EP300: variants seen among roughly 807,000 people sequenced by gnomAD.
EP300 encodes EP300 lysine acetyltransferase.
EP300 carries 31 observed loss-of-function variants against 264.0 expected under a neutral mutation model. The ratio of observed to expected loss-of-function variants is 0.12; its 90% CI spans 0.09 to 0.16. EP300 has a LOEUF of 0.16. Ranked by LOEUF, EP300 falls within the 10% of genes least tolerant of loss-of-function variation. The probability of loss-of-function intolerance (pLI) is 1.00; values close to 1 mark genes in which losing one functional copy is unlikely to be tolerated. For missense variants in EP300, 2,766 were observed against 3,052.9 expected (o/e 0.91, Z 2.21); for synonymous variants, 1,340 against 1,045.4 (o/e 1.28, Z -5.44).
chr22:41,144,439 T>C (rs1428758254), intron 10 of EP300, among the ~76,000 whole-genome samples: 1 of 151,634 alleles, frequency 6.6e-6, no homozygotes, highest in Non-Finnish European at 1.5e-5. Context: ...GCATCCTCCA[T>C]GCCTCCCAAG....
rs756278305 is a variant in EP300 at position 41,173,672 on chromosome 22, C to T, written c.4667C>T (p.Thr1556Ile). 2 of 1,614,086 alleles carry T rather than the reference C, an allele frequency of 1.2e-6. No individual in the cohort carries two copies. Among genetic ancestry groups the T allele is most frequent in the South Asian group, 1.1e-5 (1 of 91,070 alleles). The change falls in exon 29 of 31, where the codon ACC (threonine) becomes ATC (isoleucine). Residue 1556 changes from threonine to isoleucine, a missense_variant. Coordinates refer to ENST00000263253, the MANE Select transcript of EP300 (RefSeq NM_001429.4). ...KNAKKKNNKKTSKNKSSLSRG... is the reference protein window; with the variant it reads ...KNAKKKNNKKISKNKSSLSRG... Reference sequence around the variant, plus strand: ...GCTAAAAAGAAGAATAATAAGAAAACCAGCAAAAATAAGAGCAGCCTGAGT... The same window carrying T: ...GCTAAAAAGAAGAATAATAAGAAAATCAGCAAAAATAAGAGCAGCCTGAGT...
At chr22:41,139,963 G>C (rs1163727974) in intron 8 of EP300, among the ~76,000 whole-genome samples, 177 bp from the exon 9 acceptor site, 3 of 152,100 alleles carry the variant, frequency 2.0e-5, no homozygotes, top group Admixed American at 1.3e-4. Context: ...ATTGTGAACG[G>C]AAATATAGAC....
Position 41,149,790 on chromosome 22 carries a change from G to C in EP300, c.2409G>C (p.Val803=). 4 of 1,614,020 alleles carry C rather than the reference G, an allele frequency of 2.5e-6. No homozygotes were observed. Among genetic ancestry groups the C allele is most frequent in the Non-Finnish European group, 3.4e-6 (4 of 1,179,992 alleles). ...QAQMSSSSCP[V]NSPIMPPGSQ... ...AAATGTCTAGTTCTTCCTGCCCGGT[G>C]AACTCTCCTATAATGCCTCCAGGGT... Residue 803 remains valine (V), a synonymous_variant, in exon 14 of 31, where the codon GTG becomes GTC. Transcript: ENST00000263253.
rs1230800729 is a variant in EP300, at chr22:41,135,801, A to G, written c.1529-12A>G. On this transcript the variant is annotated splice_polypyrimidine_tract_variant and intron_variant, in intron 6 of 30. Transcript: ENST00000263253. ...ATTTATTTCTGTCTCCTGTTATTTC[A>G]TTTTGACTTAGGTGCTAGTCCTATG... 1 of 1,593,862 alleles carries G rather than the reference A, an allele frequency of 6.3e-7. No individual in the cohort carries two copies. The highest frequency in any genetic ancestry group is 2.2e-5 in the East Asian group (1 of 44,770).
intron 10 of EP300, among the ~76,000 whole-genome samples, chr22:41,144,898 T>TA (rs34481158): frequency 1.3e-4 from 20 of 149,194 alleles, no homozygotes; most frequent in South Asian, 6.4e-4. Context: ...CTGGCTGCTT[T>TA]AAAAAAAAAA....
chr22:41,178,291 C>G lies in EP300; in HGVS notation c.6580C>G (p.Gln2194Glu). Reference sequence around the variant, plus strand: ...ACAGCAAATGATGCAACAGCAGCAGCAACAGGGAGCAGGGCCAGGAATAGG... The same window carrying G: ...ACAGCAAATGATGCAACAGCAGCAGGAACAGGGAGCAGGGCCAGGAATAGG... ...RRQQMMQQQQ[Q>E]QGAGPGIGPG... Residue 2194 changes from glutamine (Q) to glutamate (E), a missense_variant, in exon 31 of 31, where the codon CAA (glutamine) becomes GAA (glutamate). Transcript: ENST00000263253. 4 of 1,614,118 alleles carry G rather than the reference C, an allele frequency of 2.5e-6. 1 individual carries two copies. Among genetic ancestry groups the G allele is most frequent in the Non-Finnish European group, 3.4e-6 (4 of 1,180,002 alleles).
chr22:41,162,898 A>T, intron 21 of EP300, 119 bp downstream of exon 21: 1 of 809,740 alleles, frequency 1.2e-6, no homozygotes, highest in Non-Finnish European at 2.2e-6. Flanking sequence ...TCTACATAAC[A>T]TACATCTAAT....
At chr22:41,137,464 C>T (rs1425874868) in intron 7 of EP300, among the ~76,000 whole-genome samples, 189 bp from the exon 8 acceptor site, 1 of 152,052 alleles carries the variant, frequency 6.6e-6, no homozygotes, top group Non-Finnish European at 1.5e-5. Context: ...ACAACTTACC[C>T]TCACACAGGT....
At position 41,178,574 on chromosome 22, in the gene EP300, A is replaced by C. The variant is rs943142293; in HGVS notation, c.6863A>C (p.Gln2288Pro). The stretch of plus-strand genomic sequence containing the variant: ...CCCCAGCAGCATATGCTCCCAAATC[A>C]GGCCCAGTCCCCACACCTACAAGGC... ...MSPQQHMLPN[Q>P]AQSPHLQGQQ... The change falls in exon 31 of 31, where the codon CAG becomes CCG. Residue 2288 changes from glutamine to proline, a missense_variant. Coordinates refer to ENST00000263253, the MANE Select transcript of EP300 (RefSeq NM_001429.4). The C allele has an allele frequency of 6.2e-7, 1 of 1,614,044 alleles. No individual in the cohort carries two copies. Among genetic ancestry groups the C allele is most frequent in the Non-Finnish European group, 8.5e-7 (1 of 1,180,018 alleles).
At chr22:41,130,808 T>C (rs78198686) in intron 5 of EP300, among the ~76,000 whole-genome samples, 2 of 139,850 alleles carry the variant, frequency 1.4e-5, no homozygotes, top group Non-Finnish European at 1.6e-5. Context: ...ATAGAAGAGC[T>C]TTTTTTTTTT....
intron 1 of EP300, among the ~76,000 whole-genome samples, chr22:41,116,953 G>C (rs2058824910): frequency 6.6e-6 from 1 of 152,102 alleles, no homozygotes; most frequent in African/African-American, 2.4e-5. Context: ...ACAGCTACTT[G>C]GGAGGCTGAG....
chr22:41,092,608 G>T lies in EP300; in HGVS notation c.-397G>T. 2 of 625,532 alleles carry T rather than the reference G, an allele frequency of 3.2e-6. No individual in the cohort carries two copies. Among genetic ancestry groups the T allele is most frequent in the South Asian group, 4.3e-5 (2 of 46,640 alleles). The allele number at this position is 625,532 out of a possible 1,614,324, so 38.7% of individuals were successfully genotyped here. A position where few individuals can be genotyped will look rare whatever the true frequency, so the allele number is the denominator to read the frequency against. ...TGTGGCGATGAGAAGGAGGAGGACA[G>T]CGCCGAGGAGGAAGAGGTTGATGGC... On this transcript the variant is annotated 5_prime_UTR_variant, in exon 1 of 31. Transcript: ENST00000263253.
rs371263978 is a variant in EP300, at chr22:41,116,727, A to G, written c.95-460A>G. On this transcript the variant is annotated intron_variant, in intron 1 of 30. Coordinates refer to ENST00000263253, the MANE Select transcript of EP300 (RefSeq NM_001429.4). The stretch of plus-strand genomic sequence containing the variant: ...ATCCCCTCAATTTAAAAAATCTATA[A>G]AATGGTTTTAGTATGACCTAAAAAA... Among the ~76,000 whole-genome samples, 18 of 152,276 alleles carry G rather than the reference A, an allele frequency of 1.2e-4. No individual in the cohort carries two copies. In the South Asian group the frequency reaches 1.4e-3, roughly 12 times the overall value.
chr22:41,171,880 T>C (rs1037568754), intron 27 of EP300, among the ~76,000 whole-genome samples: 1 of 152,168 alleles, frequency 6.6e-6, no homozygotes, highest in Non-Finnish European at 1.5e-5. Flanking sequence ...CCCAAAGTGC[T>C]GGGATTACAG....
rs755193615 is a variant in EP300 at position 41,178,593 on chromosome 22, A to G, written c.6882A>G (p.Leu2294=). 8 of 1,613,876 alleles carry G rather than the reference A, an allele frequency of 5.0e-6. No homozygotes were observed. Among genetic ancestry groups the G allele is most frequent in the Admixed American group, 1.7e-5 (1 of 59,998 alleles). ...MLPNQAQSPH[L]QGQQIPNSLS... ...CAAATCAGGCCCAGTCCCCACACCT[A>G]CAAGGCCAGCAGATCCCTAATTCTC... is the stretch of plus-strand genomic sequence containing the variant. The change falls in exon 31 of 31, where the codon CTA becomes CTG. Residue 2294 remains leucine, a synonymous_variant. Coordinates refer to ENST00000263253, the MANE Select transcript of EP300 (RefSeq NM_001429.4).
intron 1 of EP300, among the ~76,000 whole-genome samples, chr22:41,114,139 G>C (rs1014197398): frequency 6.6e-6 from 1 of 152,056 alleles, no homozygotes; most frequent in East Asian, 1.9e-4. Flanking sequence ...TTTGAATAGT[G>C]GTTTTAGGTC....
chr22:41,154,615 T>C (rs923464042), intron 16 of EP300, among the ~76,000 whole-genome samples: 2 of 152,008 alleles, frequency 1.3e-5, no homozygotes, highest in Non-Finnish European at 2.9e-5. Context: ...CTCAAAGTGA[T>C]CTGCCCACCT....
chr22:41,093,768 GT>G (rs1870181541), intron 1 of EP300, among the ~76,000 whole-genome samples: 1 of 152,168 alleles, frequency 6.6e-6, no homozygotes, highest in African/African-American at 2.4e-5. Context: ...GAAACTCTGG[GT>G]TTTTAGGTTG....
At chr22:41,113,236 G>C (rs1159881995) in intron 1 of EP300, among the ~76,000 whole-genome samples, 1 of 137,912 alleles carries the variant, frequency 7.3e-6, no homozygotes, top group Non-Finnish European at 1.5e-5. Context: ...TTTTTATTAA[G>C]GTTTGAGTAT....
Sources: allele counts gnomAD v4.1 joint callset (sites outside exome capture counted in the v4.1 genomes callset), GRCh38; gene constraint gnomAD v4.1.1; transcripts MANE v1.5; gene names NCBI Gene and HGNC (gene_info 2026-07-23, HGNC 2026-07-21).